The following NEK7 variants were observed in gnomAD, a reference collection of about 807,000 sequenced individuals.
NEK7 encodes the protein NIMA related kinase 7, also known as serine/threonine-protein kinase Nek7.
A neutral mutation model predicts 44.6 loss-of-function variants in NEK7; 18 were observed. The ratio of observed to expected loss-of-function variants is 0.40; its 90% CI spans 0.28 to 0.60. The LOEUF is 0.60. Among genes scored for constraint, NEK7 ranks in the 20% least tolerant of loss-of-function variants. The probability of loss-of-function intolerance (pLI) is 0.38; values close to 1 mark genes in which losing one functional copy is unlikely to be tolerated. For missense variants in NEK7, 256 were observed against 366.5 expected (o/e 0.70, Z 2.46); for synonymous variants, 130 against 121.1 (o/e 1.07, Z -0.48).
At chr1:198,245,369 T>C (rs1666808396) in intron 2 of NEK7, 1 of 169,312 alleles carries the variant, frequency 5.9e-6, no homozygotes, top group Non-Finnish European at 1.5e-5. Context: ...TGCGTTTGTA[T>C]GCCTCTTTAT....
At chr1:198,184,216 A>T (rs1331284191) in intron 1 of NEK7, among the ~76,000 whole-genome samples, 1 of 152,156 alleles carries the variant, frequency 6.6e-6, no homozygotes, top group Non-Finnish European at 1.5e-5. Context: ...TTCACTGGGC[A>T]ATTTTCACAA....
At chr1:198,253,209 T>C in intron 3 of NEK7, 29 bp downstream of exon 3, 10 of 1,440,146 alleles carry the variant, frequency 6.9e-6, no homozygotes, top group Non-Finnish European at 8.7e-6. Context: ...TATAAATCAA[T>C]GTAAAATTAT....
intron 7 of NEK7, among the ~76,000 whole-genome samples, chr1:198,289,851 G>A (rs948314448): frequency 2.0e-5 from 3 of 152,138 alleles, no homozygotes; most frequent in Admixed American, 2.0e-4. Flanking sequence ...TCAGGATAAA[G>A]ATTAGAATAT....
chr1:198,236,472 A>G (rs1004528195), intron 2 of NEK7, among the ~76,000 whole-genome samples: 4 of 152,300 alleles, frequency 2.6e-5, no homozygotes, highest in South Asian at 2.1e-4. Flanking sequence ...CTGCTCAGCA[A>G]TCATCCTTAG....
At chr1:198,222,520 G>A (rs940647466) in intron 1 of NEK7, among the ~76,000 whole-genome samples, 4 of 152,070 alleles carry the variant, frequency 2.6e-5, no homozygotes, top group Non-Finnish European at 5.9e-5. Context: ...ACTTTTGACG[G>A]TGGTACCACC....
chr1:198,249,160 G>A (rs1009756033), intron 2 of NEK7, among the ~76,000 whole-genome samples: 2 of 150,776 alleles, frequency 1.3e-5, no homozygotes, highest in African/African-American at 2.4e-5. Context: ...TTGTTCTTGC[G>A]ATAGTTTACT....
At chr1:198,192,821 A>G (rs1160473385) in intron 1 of NEK7, among the ~76,000 whole-genome samples, 2 of 152,052 alleles carry the variant, frequency 1.3e-5, no homozygotes, top group Admixed American at 6.6e-5. Flanking sequence ...AGTGTTAAGA[A>G]TGAAATTTAT....
chr1:198,238,412 A>G (rs1666594396), intron 2 of NEK7, among the ~76,000 whole-genome samples: 1 of 152,026 alleles, frequency 6.6e-6, no homozygotes, highest in Non-Finnish European at 1.5e-5. Flanking sequence ...AAGGACTTAT[A>G]CCTTCCTTAT....
At chr1:198,247,093 T>G (rs541938437) in intron 2 of NEK7, among the ~76,000 whole-genome samples, 13 of 152,352 alleles carry the variant, frequency 8.5e-5, no homozygotes, top group African/African-American at 2.4e-4. Context: ...TATCATTTTG[T>G]CACATTGACA....
At chr1:198,217,171 T>C (rs1336781538) in intron 1 of NEK7, among the ~76,000 whole-genome samples, 1 of 152,070 alleles carries the variant, frequency 6.6e-6, no homozygotes, top group Non-Finnish European at 1.5e-5. Context: ...TGCGGACAAG[T>C]ATCTGTAAAA....
At position 198,262,475 on chromosome 1, in the gene NEK7, A is replaced by AGTGTACAAAT. The variant is rs1653509071; in HGVS notation, c.199-99_199-90dup. ...AAGCTAATCAGAAAGAAAATTCCTT[A>AGTGTACAAAT]GTGTACAAATAATTACATGTAGAGT... On this transcript the variant is annotated intron_variant, in intron 3 of 9. Coordinates refer to ENST00000367385, the MANE Select transcript of NEK7 (RefSeq NM_133494.3). The AGTGTACAAAT allele has an allele frequency of 1.4e-5, 10 of 708,218 alleles. No homozygotes were observed. The South Asian group carries it at 1.9e-4, about 14-fold the overall frequency. 43.9% of individuals were successfully genotyped at this position (708,218 alleles called of 1,614,324 possible).
At chr1:198,311,991 T>C (rs1655202479) in intron 9 of NEK7, among the ~76,000 whole-genome samples, 1 of 152,232 alleles carries the variant, frequency 6.6e-6, no homozygotes, top group African/African-American at 2.4e-5. Context: ...TTCTATTGAT[T>C]GGAATAGTTT....
At chr1:198,181,622 T>A (rs67388861) in intron 1 of NEK7, among the ~76,000 whole-genome samples, 22,658 of 152,056 alleles carry the variant, frequency 0.15, 1,860 homozygotes, top group East Asian at 0.22. Context: ...TTTCCCCCCA[T>A]GTTATTTATG....
chr1:198,268,109 G>T (rs1653713466), intron 5 of NEK7, among the ~76,000 whole-genome samples: 1 of 149,824 alleles, frequency 6.7e-6, no homozygotes, highest in African/African-American at 2.5e-5. Flanking sequence ...CTTCTTCCTG[G>T]CCTTTAATGA....
chr1:198,272,721 T>C (rs1220568790), intron 5 of NEK7, among the ~76,000 whole-genome samples: 1 of 151,896 alleles, frequency 6.6e-6, no homozygotes, highest in African/African-American at 2.4e-5. Context: ...TGTGGAAACT[T>C]CTCTTAAGAA....
intron 1 of NEK7, among the ~76,000 whole-genome samples, chr1:198,181,050 C>A (rs932332466): frequency 1.4e-4 from 22 of 152,000 alleles, no homozygotes; most frequent in Admixed American, 1.4e-3. Context: ...TAACTTTAAA[C>A]ACATGATAAT....
intron 2 of NEK7, among the ~76,000 whole-genome samples, chr1:198,234,575 C>CT (rs1350986438): frequency 2.0e-5 from 3 of 152,144 alleles, no homozygotes; most frequent in Non-Finnish European, 4.4e-5. Context: ...TTTTTGCCTC[C>CT]TACTGACTCA....
chr1:198,202,659 T>C (rs1207363482), intron 1 of NEK7, among the ~76,000 whole-genome samples: 1 of 152,202 alleles, frequency 6.6e-6, no homozygotes, highest in East Asian at 1.9e-4. Flanking sequence ...GTGAAAGACA[T>C]GTTTTACATG....
chr1:198,316,839 A>G (rs1238239006), intron 9 of NEK7, among the ~76,000 whole-genome samples: 1 of 152,232 alleles, frequency 6.6e-6, no homozygotes, highest in Non-Finnish European at 1.5e-5. Flanking sequence ...CAAAAGAGTC[A>G]GATGGTTAGA....
Sources: gnomAD v4.1 joint callset for allele counts (sites outside exome capture counted in the v4.1 genomes callset) on GRCh38, gnomAD v4.1.1 for gene constraint, MANE v1.5 for transcripts, NCBI Gene and HGNC (gene_info 2026-07-23, HGNC 2026-07-21) for gene names.